Variants in MIPOL1 observed in about 807,000 individuals in gnomAD.
MIPOL1 encodes the protein mirror-image polydactyly gene 1 protein.
A neutral mutation model predicts 60.9 loss-of-function variants in MIPOL1; 57 were observed. That is an observed-to-expected ratio of 0.94 (90% confidence interval 0.76 to 1.17). The LOEUF is 1.17. Among genes scored for constraint, MIPOL1 ranks in the 50% most tolerant of loss-of-function variants. The pLI, the probability that MIPOL1 is intolerant of heterozygous loss-of-function variation, is 0.00. For missense variants in MIPOL1, 551 were observed against 511.6 expected (o/e 1.08, Z -0.74); for synonymous variants, 179 against 168.8 (o/e 1.06, Z -0.47).
chr14:37,256,299 G>T (rs1257344323), intron 3 of MIPOL1, among the ~76,000 whole-genome samples: 1 of 151,840 alleles, frequency 6.6e-6, no homozygotes, highest in Non-Finnish European at 1.5e-5. Context: ...TTGGAAGAAA[G>T]AAATATGATA....
intron 9 of MIPOL1, among the ~76,000 whole-genome samples, chr14:37,367,365 C>T (rs978122123): frequency 2.6e-5 from 4 of 151,956 alleles, no homozygotes; most frequent in African/African-American, 9.7e-5. Context: ...AAATATGCTA[C>T]AAATATTTAT....
intron 11 of MIPOL1, among the ~76,000 whole-genome samples, chr14:37,460,373 T>TA (rs1449594001): frequency 1.3e-5 from 2 of 151,864 alleles, no homozygotes; most frequent in African/African-American, 4.8e-5. Context: ...CTCAAAATAA[T>TA]AAGAGCCATA....
chr14:37,304,148 T>C (rs143252187), intron 7 of MIPOL1, among the ~76,000 whole-genome samples: 5 of 151,844 alleles, frequency 3.3e-5, no homozygotes, highest in African/African-American at 1.2e-4. Flanking sequence ...ATTATATAAA[T>C]TGTTCACATC....
intron 11 of MIPOL1, among the ~76,000 whole-genome samples, chr14:37,428,654 C>CA (rs2094008035): frequency 6.8e-6 from 1 of 146,808 alleles, no homozygotes; most frequent in Non-Finnish European, 1.5e-5. Context: ...GGTTTTTTTC[C>CA]AAAAATCTTT....
intron 10 of MIPOL1, among the ~76,000 whole-genome samples, chr14:37,378,416 G>A (rs1240149590): frequency 6.6e-6 from 1 of 151,840 alleles, no homozygotes; most frequent in Non-Finnish European, 1.5e-5. Context: ...ATTCTCAAAG[G>A]GTTAAATTTA....
At chr14:37,519,927 T>C (rs2095400526) in intron 12 of MIPOL1, among the ~76,000 whole-genome samples, 1 of 152,186 alleles carries the variant, frequency 6.6e-6, no homozygotes, top group Non-Finnish European at 1.5e-5. Flanking sequence ...TCTCAATTCA[T>C]GTTTGGAACC....
chr14:37,317,133 G>A (rs572714440), intron 9 of MIPOL1, among the ~76,000 whole-genome samples: 1 of 152,150 alleles, frequency 6.6e-6, no homozygotes, highest in African/African-American at 2.4e-5. Context: ...TGTATGCAAA[G>A]CATTTGGATA....
At chr14:37,390,131 A>G (rs561581066) in intron 10 of MIPOL1, among the ~76,000 whole-genome samples, 1 of 152,244 alleles carries the variant, frequency 6.6e-6, no homozygotes, top group East Asian at 1.9e-4. Context: ...AAGCAGGAGA[A>G]TCACTTGAAC....
intron 12 of MIPOL1, among the ~76,000 whole-genome samples, chr14:37,528,328 C>A (rs75780787): frequency 0.015 from 2,280 of 151,880 alleles, 58 homozygotes; most frequent in African/African-American, 0.052. Flanking sequence ...TAAGTCTATT[C>A]TATGATTGTA....
chr14:37,367,721 CTTAG>C (rs2153493533), intron 9 of MIPOL1, among the ~76,000 whole-genome samples: 1 of 152,068 alleles, frequency 6.6e-6, no homozygotes, highest in Admixed American at 6.6e-5. Flanking sequence ...ATAGGTCCTA[CTTAG>C]TTATTACATT....
chr14:37,378,466 TATAGTG>T (rs1247817068), intron 10 of MIPOL1, among the ~76,000 whole-genome samples: 3 of 152,038 alleles, frequency 2.0e-5, no homozygotes, highest in Non-Finnish European at 4.4e-5. Flanking sequence ...GTGACAAAAT[TATAGTG>T]ATAGAGAAAA....
chr14:37,231,275 A>G (rs1347192346), intron 1 of MIPOL1, among the ~76,000 whole-genome samples: 1 of 151,984 alleles, frequency 6.6e-6, no homozygotes, highest in Non-Finnish European at 1.5e-5. Flanking sequence ...TTTCATAGAG[A>G]TGGATTCTCC....
At chr14:37,445,051 T>A (rs1367141821) in intron 11 of MIPOL1, among the ~76,000 whole-genome samples, 1 of 151,994 alleles carries the variant, frequency 6.6e-6, no homozygotes, top group African/African-American at 2.4e-5. Flanking sequence ...CTCCTATTCA[T>A]TATAGTGTTG....
intron 9 of MIPOL1, among the ~76,000 whole-genome samples, chr14:37,342,478 A>G (rs2090640194): frequency 6.6e-6 from 1 of 151,562 alleles, no homozygotes; most frequent in Non-Finnish European, 1.5e-5. Context: ...GCTCACTGCA[A>G]TCTCCACCTC....
intron 11 of MIPOL1, among the ~76,000 whole-genome samples, chr14:37,429,253 G>A (rs1258654169): frequency 2.0e-5 from 3 of 152,132 alleles, no homozygotes; most frequent in Non-Finnish European, 4.4e-5. Flanking sequence ...GATGTTTGCT[G>A]ATTTTATAGT....
chr14:37,519,717 T>G lies in MIPOL1; in HGVS notation c.1262+19579T>G, dbSNP rs540255532. ...AACAAAAGACACTCCTAGTTTAGTC[T>G]CTTTAAAAATAGTAATAATGATAAT... On this transcript the variant is annotated intron_variant, in intron 12 of 12. Coordinates refer to ENST00000684589, the MANE Select transcript of MIPOL1 (RefSeq NM_001388067.1). 5.9e-5 allele frequency among the ~76,000 whole-genome samples: 9 copies of G among 152,216 alleles called. No individual in the cohort carries two copies. The East Asian group carries it at 1.4e-3, about 23-fold the overall frequency.
intron 11 of MIPOL1, among the ~76,000 whole-genome samples, chr14:37,427,347 A>G (rs900192677): frequency 1.3e-5 from 2 of 152,184 alleles, no homozygotes; most frequent in African/African-American, 2.4e-5. Context: ...CACTTATATG[A>G]GGTACTTAAA....
intron 1 of MIPOL1, among the ~76,000 whole-genome samples, chr14:37,205,402 C>A (rs1235563625): frequency 1.3e-5 from 2 of 152,076 alleles, no homozygotes; most frequent in African/African-American, 2.4e-5. Flanking sequence ...CTGCACCCAG[C>A]CAGTGGAAGA....
At chr14:37,373,343 T>C (rs2092692357) in intron 10 of MIPOL1, among the ~76,000 whole-genome samples, 1 of 152,102 alleles carries the variant, frequency 6.6e-6, no homozygotes, top group Non-Finnish European at 1.5e-5. Context: ...GCATTAGATG[T>C]AAATATGTAG....
Sources: allele counts gnomAD v4.1 joint callset (sites outside exome capture counted in the v4.1 genomes callset), GRCh38; gene constraint gnomAD v4.1.1; transcripts MANE v1.5; gene names NCBI Gene and HGNC (gene_info 2026-07-23, HGNC 2026-07-21).